The following KCNH7 variants were observed in gnomAD, a reference collection of about 807,000 sequenced individuals.
KCNH7 encodes voltage-gated inwardly rectifying potassium channel KCNH7.
Under a neutral mutation model 120.8 loss-of-function variants are expected in KCNH7, and 49 were observed. The observed-to-expected ratio is 0.41, with a 90% confidence interval of 0.32 to 0.51. The LOEUF is 0.51. KCNH7 is among the 20% of genes least tolerant of loss of function. The probability of loss-of-function intolerance (pLI) is 0.38; values close to 1 mark genes in which losing one functional copy is unlikely to be tolerated. For synonymous variants in KCNH7, 547 were observed against 516.1 expected, an observed-to-expected ratio of 1.06 and a Z score of -0.81; for missense variants, 1,097 against 1,446.6, an observed-to-expected ratio of 0.76 and a Z score of 3.92.
chr2:162,383,372 A>G (rs919957807), intron 13 of KCNH7, among the ~76,000 whole-genome samples: 1 of 151,978 alleles, frequency 6.6e-6, no homozygotes, highest in African/African-American at 2.4e-5. Flanking sequence ...CCATTCTTCC[A>G]TTGTGATAAA....
intron 9 of KCNH7, among the ~76,000 whole-genome samples, chr2:162,419,600 G>T (rs921392261): frequency 2.0e-5 from 3 of 152,050 alleles, no homozygotes; most frequent in African/African-American, 4.8e-5. Context: ...ATTATTTGGT[G>T]GGGGAGGAGG....
intron 2 of KCNH7, among the ~76,000 whole-genome samples, chr2:162,628,494 T>C (rs1436516912): frequency 2.0e-5 from 3 of 152,110 alleles, no homozygotes; most frequent in Admixed American, 1.3e-4. Context: ...GTTACATAGG[T>C]AAACTTGTGT....
chr2:162,581,942 C>T (rs1438243065), intron 2 of KCNH7, among the ~76,000 whole-genome samples: 1 of 152,052 alleles, frequency 6.6e-6, no homozygotes, highest in Admixed American at 6.6e-5. Context: ...TGCTGAGTTG[C>T]ACTCCCCCTC....
intron 2 of KCNH7, among the ~76,000 whole-genome samples, chr2:162,649,302 C>T (rs781317796): frequency 1.3e-4 from 20 of 152,076 alleles, no homozygotes; most frequent in Non-Finnish European, 2.5e-4. Context: ...AATTATGTCA[C>T]AAGACTTTTT....
intron 2 of KCNH7, among the ~76,000 whole-genome samples, chr2:162,836,030 C>T (rs548746738): frequency 1.3e-4 from 20 of 152,208 alleles, no homozygotes; most frequent in African/African-American, 4.8e-4. Context: ...ATTTATCATC[C>T]TTAATGTTGT....
chr2:162,689,641 A>T (rs1686030672), intron 2 of KCNH7, among the ~76,000 whole-genome samples: 1 of 152,292 alleles, frequency 6.6e-6, no homozygotes, highest in Admixed American at 6.5e-5. Context: ...AATATAAAAC[A>T]TTTTATTTAA....
intron 2 of KCNH7, among the ~76,000 whole-genome samples, chr2:162,793,462 A>G (rs1157875648): frequency 5.9e-5 from 9 of 152,124 alleles, no homozygotes; most frequent in Admixed American, 5.2e-4. Context: ...AAGTTAAAAA[A>G]AAAGATTAAG....
chr2:162,804,888 T>A (rs950319765), intron 2 of KCNH7, among the ~76,000 whole-genome samples: 1 of 151,680 alleles, frequency 6.6e-6, no homozygotes, highest in Non-Finnish European at 1.5e-5. Context: ...AACATCTTAA[T>A]GATATAGACA....
intron 3 of KCNH7, among the ~76,000 whole-genome samples, chr2:162,524,632 T>C (rs568516785): frequency 6.6e-6 from 1 of 152,100 alleles, no homozygotes; most frequent in Admixed American, 6.5e-5. Context: ...CGACATTAAA[T>C]TTGAAGCCTT....
chr2:162,389,774 A>G (rs988201846), intron 12 of KCNH7, among the ~76,000 whole-genome samples: 4 of 152,100 alleles, frequency 2.6e-5, no homozygotes, highest in Non-Finnish European at 5.9e-5. Flanking sequence ...GGCACAAAAT[A>G]GTAAAAATAA....
At chr2:162,455,337 C>T (rs1027856786) in intron 6 of KCNH7, among the ~76,000 whole-genome samples, 2 of 152,042 alleles carry the variant, frequency 1.3e-5, no homozygotes, top group African/African-American at 4.8e-5. Context: ...TTTGGTTTGC[C>T]AGTATTTTAT....
chr2:162,473,586 T>C (rs1275167402), intron 6 of KCNH7, among the ~76,000 whole-genome samples: 1 of 152,134 alleles, frequency 6.6e-6, no homozygotes, highest in Admixed American at 6.5e-5. Context: ...ATCAAAAAAC[T>C]CCCAAATCAT....
intron 6 of KCNH7, chr2:162,501,969 A>T (rs1255314765): frequency 1.3e-5 from 2 of 152,136 alleles, no homozygotes; most frequent in African/African-American, 4.8e-5. Flanking sequence ...GAGACCAAAA[A>T]AAATGCAAAG....
chr2:162,754,704 C>G (rs763922091), intron 2 of KCNH7, among the ~76,000 whole-genome samples: 1 of 152,060 alleles, frequency 6.6e-6, no homozygotes, highest in Non-Finnish European at 1.5e-5. Flanking sequence ...TTTTAAAAAT[C>G]AGCTAGAAAA....
At chr2:162,516,046 A>C (rs1691280244) in intron 4 of KCNH7, among the ~76,000 whole-genome samples, 1 of 151,612 alleles carries the variant, frequency 6.6e-6, no homozygotes, top group Non-Finnish European at 1.5e-5. Context: ...TTGAAACAGA[A>C]CTCGCAAGCA....
chr2:162,760,305 ATTAG>A (rs1307073299), intron 2 of KCNH7, among the ~76,000 whole-genome samples: 1 of 152,144 alleles, frequency 6.6e-6, no homozygotes, highest in East Asian at 1.9e-4. Context: ...TAAACAGGAA[ATTAG>A]TTGTCACAAA....
chr2:162,738,782 T>C (rs1320446321), intron 2 of KCNH7, among the ~76,000 whole-genome samples: 2 of 152,190 alleles, frequency 1.3e-5, no homozygotes, highest in East Asian at 3.9e-4. Flanking sequence ...GAAATAAATA[T>C]AAAACAGCAT....
chr2:162,592,059 C>T (rs979980062), intron 2 of KCNH7, among the ~76,000 whole-genome samples: 4 of 151,966 alleles, frequency 2.6e-5, no homozygotes, highest in African/African-American at 4.8e-5. Flanking sequence ...ACCGGAAAAG[C>T]GAGAAGGGGA....
At chr2:162,386,940 C>T (rs1290988582) in intron 12 of KCNH7, among the ~76,000 whole-genome samples, 8 of 151,484 alleles carry the variant, frequency 5.3e-5, no homozygotes. Context: ...TCACCTTGGA[C>T]ATGTGTTTAC....
Sources: allele counts gnomAD v4.1 joint callset (sites outside exome capture counted in the v4.1 genomes callset), GRCh38; gene constraint gnomAD v4.1.1; transcripts MANE v1.5; gene names NCBI Gene and HGNC (gene_info 2026-07-23, HGNC 2026-07-21).